Variants in GPR176 observed in about 807,000 individuals in gnomAD.
The protein encoded by GPR176 is G protein-coupled receptor 176, also known as G-protein coupled receptor 176.
In GPR176, 26 loss-of-function variants were observed where a neutral mutation model predicts 35.4. The observed-to-expected ratio is 0.74, with a 90% CI of 0.54 to 1.02. The LOEUF is 1.02. GPR176 is among the 50% of genes least tolerant of loss of function. The pLI is 0.00. For synonymous variants in GPR176, 278 were observed against 271.3 expected (o/e 1.02, Z -0.24); for missense variants, 597 against 665.3 (o/e 0.90, Z 1.13).
intron 1 of GPR176, among the ~76,000 whole-genome samples, chr15:39,904,982 A>G (rs1340798130): frequency 2.0e-5 from 3 of 152,188 alleles, no homozygotes; most frequent in Non-Finnish European, 2.9e-5. Flanking sequence ...CATCAGCATC[A>G]TGTAAGCCTA....
chr15:39,875,084 G>T (rs1291979308), intron 1 of GPR176, among the ~76,000 whole-genome samples: 3 of 152,070 alleles, frequency 2.0e-5, no homozygotes, highest in Non-Finnish European at 4.4e-5. Flanking sequence ...TGCAATTCCA[G>T]CAAACGTGAG....
At chr15:39,805,546 C>T (rs899926176) in intron 2 of GPR176, among the ~76,000 whole-genome samples, 2 of 152,012 alleles carry the variant, frequency 1.3e-5, no homozygotes, top group Non-Finnish European at 2.9e-5. Flanking sequence ...AACTGCTGAG[C>T]GGCTGATCCC....
chr15:39,895,122 A>C (rs1434575982), intron 1 of GPR176, among the ~76,000 whole-genome samples: 1 of 152,182 alleles, frequency 6.6e-6, no homozygotes, highest in African/African-American at 2.4e-5. Context: ...CGGCAGGCTG[A>C]GTCAGGAGAA....
intron 1 of GPR176, chr15:39,814,816 G>T (rs1899790877): frequency 6.6e-6 from 1 of 152,176 alleles, no homozygotes. Flanking sequence ...TTATCCTAGG[G>T]AGATGCAGAA....
chr15:39,858,882 G>T (rs567993501), intron 1 of GPR176, among the ~76,000 whole-genome samples: 29 of 152,202 alleles, frequency 1.9e-4, no homozygotes, highest in Non-Finnish European at 3.7e-4. Flanking sequence ...GAGTAGCTGG[G>T]ATTACAGGTA....
At chr15:39,915,109 C>A (rs2033692110) in intron 1 of GPR176, among the ~76,000 whole-genome samples, 1 of 152,236 alleles carries the variant, frequency 6.6e-6, no homozygotes, top group Admixed American at 6.5e-5. Context: ...ATGCTCACTA[C>A]AGACCATTCA....
chr15:39,886,262 A>G (rs2032671435), intron 1 of GPR176, among the ~76,000 whole-genome samples: 1 of 152,078 alleles, frequency 6.6e-6, no homozygotes, highest in Non-Finnish European at 1.5e-5. Flanking sequence ...AGAAATGGGA[A>G]TATTAGACTT....
intron 1 of GPR176, among the ~76,000 whole-genome samples, chr15:39,826,255 C>T (rs1231371165): frequency 6.6e-6 from 1 of 152,076 alleles, no homozygotes; most frequent in Non-Finnish European, 1.5e-5. Context: ...CAAGCTGGAG[C>T]AGGGCAGCAG....
chr15:39,913,569 AAAG>A (rs2033636267), intron 1 of GPR176, among the ~76,000 whole-genome samples: 1 of 151,830 alleles, frequency 6.6e-6, no homozygotes, highest in South Asian at 2.1e-4. Flanking sequence ...AAAAAGAAAG[AAAG>A]AAGGAAAGAA....
intron 1 of GPR176, among the ~76,000 whole-genome samples, chr15:39,842,739 T>G (rs1354476647): frequency 6.6e-6 from 1 of 152,076 alleles, no homozygotes; most frequent in Non-Finnish European, 1.5e-5. Context: ...CCTCTAGAAC[T>G]ATGAGAAATA....
At chr15:39,851,887 G>A (rs887701958) in intron 1 of GPR176, among the ~76,000 whole-genome samples, 1 of 152,140 alleles carries the variant, frequency 6.6e-6, no homozygotes, top group Non-Finnish European at 1.5e-5. Flanking sequence ...ACCAAAAAAA[G>A]ATTTCCAGCT....
chr15:39,804,190 G>A (rs1406189602), intron 2 of GPR176, among the ~76,000 whole-genome samples: 1 of 152,112 alleles, frequency 6.6e-6, no homozygotes, highest in Non-Finnish European at 1.5e-5. Flanking sequence ...AAGCACACAG[G>A]CTCACTATAA....
chr15:39,888,608 T>TA (rs1218179885), intron 1 of GPR176, among the ~76,000 whole-genome samples: 2 of 152,196 alleles, frequency 1.3e-5, no homozygotes, highest in African/African-American at 2.4e-5. Flanking sequence ...CTTCTCCTCT[T>TA]AATCTACCTT....
intron 2 of GPR176, among the ~76,000 whole-genome samples, chr15:39,802,911 T>G (rs1157725593): frequency 6.6e-6 from 1 of 152,232 alleles, no homozygotes; most frequent in Non-Finnish European, 1.5e-5. Context: ...TCAGTAACCC[T>G]AAGGGCAATT....
chr15:39,902,134 C>G (rs1221920271), intron 1 of GPR176, among the ~76,000 whole-genome samples: 1 of 152,132 alleles, frequency 6.6e-6, no homozygotes, highest in Non-Finnish European at 1.5e-5. Flanking sequence ...CCCACTAAAA[C>G]AGAATTTCTG....
intron 1 of GPR176, among the ~76,000 whole-genome samples, chr15:39,897,715 G>A (rs924654616): frequency 3.4e-5 from 5 of 145,190 alleles, no homozygotes; most frequent in African/African-American, 1.0e-4. Flanking sequence ...CCGGGTTCAC[G>A]CCATTCTCCT....
At chr15:39,888,895 G>C (rs1037665383) in intron 1 of GPR176, among the ~76,000 whole-genome samples, 3 of 152,186 alleles carry the variant, frequency 2.0e-5, no homozygotes, top group African/African-American at 7.2e-5. Context: ...GGGTTAGTTA[G>C]GGGACTGGAA....
chr15:39,858,141 G>A (rs2031361713), intron 1 of GPR176, among the ~76,000 whole-genome samples: 1 of 152,020 alleles, frequency 6.6e-6, no homozygotes, highest in Non-Finnish European at 1.5e-5. Flanking sequence ...ATGAAGCTAT[G>A]ACCCAAGCAA....
At chr15:39,887,694 C>T (rs1422874419) in intron 1 of GPR176, among the ~76,000 whole-genome samples, 1 of 151,904 alleles carries the variant, frequency 6.6e-6, no homozygotes, top group Non-Finnish European at 1.5e-5. Context: ...AAGAAAATCT[C>T]ACCCGCTCAA....
Sources: gnomAD v4.1 joint callset for allele counts (sites outside exome capture counted in the v4.1 genomes callset) on GRCh38, gnomAD v4.1.1 for gene constraint, MANE v1.5 for transcripts, NCBI Gene and HGNC (gene_info 2026-07-23, HGNC 2026-07-21) for gene names.